Variants in DGKD observed in about 807,000 individuals in gnomAD.
The protein encoded by DGKD is diacylglycerol kinase delta, also known as DAG kinase delta.
In DGKD, 68 loss-of-function variants were observed where a neutral mutation model predicts 154.4. The ratio of observed to expected loss-of-function variants is 0.44; its 90% CI spans 0.36 to 0.54. DGKD has a LOEUF of 0.54. DGKD is among the 20% of genes least tolerant of loss of function. The probability of loss-of-function intolerance (pLI) is 0.00; values close to 1 mark genes in which losing one functional copy is unlikely to be tolerated. For missense variants in DGKD, 1,343 were observed against 1,593.6 expected (o/e 0.84, Z 2.68); for synonymous variants, 693 against 638.0 (o/e 1.09, Z -1.30).
chr2:233,396,037 A>G (rs1481537251), intron 3 of DGKD, among the ~76,000 whole-genome samples: 3 of 152,252 alleles, frequency 2.0e-5, no homozygotes, highest in Non-Finnish European at 4.4e-5. Context: ...AAATAATGCA[A>G]AATGGTCTGT....
intron 1 of DGKD, chr2:233,386,024 G>A (rs774629364): frequency 5.8e-5 from 27 of 469,128 alleles, no homozygotes; most frequent in South Asian, 4.0e-4. Flanking sequence ...AGTATGTGGT[G>A]CAGTGAGTTG....
intron 3 of DGKD, among the ~76,000 whole-genome samples, chr2:233,395,876 C>G (rs1013251704): frequency 6.6e-6 from 1 of 152,050 alleles, no homozygotes; most frequent in Non-Finnish European, 1.5e-5. Context: ...TGTAGCCAGC[C>G]CATATGGTGA....
intron 19 of DGKD, among the ~76,000 whole-genome samples, chr2:233,456,009 C>T (rs1031074144): frequency 3.9e-5 from 6 of 152,136 alleles, no homozygotes; most frequent in African/African-American, 1.4e-4. Context: ...CATACTTTAG[C>T]AGGGTAAAAT....
intron 11 of DGKD, among the ~76,000 whole-genome samples, chr2:233,446,004 G>C (rs909182184): frequency 6.6e-6 from 1 of 152,246 alleles, no homozygotes; most frequent in African/African-American, 2.4e-5. Flanking sequence ...AGAAGGCCAA[G>C]CCTGAGTGTG....
intron 1 of DGKD, among the ~76,000 whole-genome samples, chr2:233,358,765 A>G (rs540949543): frequency 6.6e-6 from 1 of 152,196 alleles, no homozygotes; most frequent in Admixed American, 6.5e-5. Context: ...ATTCCATTCT[A>G]CAGGCACACT....
chr2:233,375,758 CACGGAAGTAGAG>C, intron 1 of DGKD, among the ~76,000 whole-genome samples: 1 of 152,210 alleles, frequency 6.6e-6, no homozygotes, highest in Admixed American at 6.5e-5. Flanking sequence ...TCCAAGCAGA[CACGGAAGTAGAG>C]ACCGTTGAAT....
At chr2:233,460,626 C>T (rs933071928) in intron 24 of DGKD, among the ~76,000 whole-genome samples, 3 of 152,220 alleles carry the variant, frequency 2.0e-5, no homozygotes, top group Non-Finnish European at 4.4e-5. Context: ...CGCGGTGGCT[C>T]ACGCCTGTAA....
intron 3 of DGKD, among the ~76,000 whole-genome samples, chr2:233,396,936 CCAGA>C (rs1704092141): frequency 2.8e-5 from 3 of 107,266 alleles, no homozygotes; most frequent in African/African-American, 1.1e-4. Flanking sequence ...CTGGGGGGGG[CCAGA>C]GCGAGAGGAC....
Position 233,462,488 on chromosome 2 carries a change from C to A in DGKD, c.3093+29C>A, listed in dbSNP as rs781310598. 3 of 1,579,348 alleles carry A rather than the reference C, an allele frequency of 1.9e-6. No homozygotes were observed. The African/African-American group carries it at 4.0e-5, about 21-fold the overall frequency. On this transcript the variant is annotated intron_variant, in intron 25 of 29. Coordinates refer to ENST00000264057, the MANE Select transcript of DGKD (RefSeq NM_152879.3). ...GCTATTCTGGCCTTTTCAGTCCTGGCTTCTTCTCAGTGTCTGCCGCCCTCG... is the reference window on the plus strand; with the variant it reads ...GCTATTCTGGCCTTTTCAGTCCTGGATTCTTCTCAGTGTCTGCCGCCCTCG...
In DGKD at chr2:233,467,084, A is replaced by G; in HGVS notation, c.3307-2A>G. ...CTCAGTATTCCTCATTCTCCCCAACAGAGTGTGATGCTGGATCTTGCCAAG... is the reference window on the plus strand; with the variant it reads ...CTCAGTATTCCTCATTCTCCCCAACGGAGTGTGATGCTGGATCTTGCCAAG... On this transcript the variant is annotated splice_acceptor_variant, in intron 27 of 29. Coordinates refer to ENST00000264057, the MANE Select transcript of DGKD (RefSeq NM_152879.3). LOFTEE classifies it high-confidence loss of function. 1.9e-6 allele frequency: 3 copies of G among 1,611,054 alleles called. No individual in the cohort carries two copies. Among genetic ancestry groups the G allele is most frequent in the Non-Finnish European group, 2.5e-6 (3 of 1,177,220 alleles).
At chr2:233,422,201 G>T (rs2062141158) in intron 3 of DGKD, among the ~76,000 whole-genome samples, 1 of 152,274 alleles carries the variant, frequency 6.6e-6, no homozygotes, top group Admixed American at 6.5e-5. Context: ...CCCCACCCAG[G>T]AAGTGCACTA....
At chr2:233,405,145 A>G (rs2061651567) in intron 3 of DGKD, among the ~76,000 whole-genome samples, 1 of 152,224 alleles carries the variant, frequency 6.6e-6, no homozygotes, top group Non-Finnish European at 1.5e-5. Flanking sequence ...GTATGTTGTT[A>G]TGGTTTGATT....
intron 3 of DGKD, among the ~76,000 whole-genome samples, chr2:233,401,800 A>G: frequency 6.6e-6 from 1 of 151,674 alleles, no homozygotes; most frequent in African/African-American, 2.4e-5. Context: ...GGCGCCTGTA[A>G]TCCCAGCTAC....
chr2:233,395,175 A>G (rs186010364), intron 3 of DGKD, among the ~76,000 whole-genome samples: 59 of 150,962 alleles, frequency 3.9e-4, no homozygotes, highest in African/African-American at 1.2e-3. Flanking sequence ...TTGTTTGTTT[A>G]TTTATTTATT....
At chr2:233,421,204 C>A (rs916308251) in intron 3 of DGKD, among the ~76,000 whole-genome samples, 5 of 152,142 alleles carry the variant, frequency 3.3e-5, no homozygotes, top group African/African-American at 1.2e-4. Context: ...CCTGCCGCCA[C>A]CCCAGCTGTA....
At chr2:233,425,804 CTATT>C (rs1366516216) in intron 3 of DGKD, among the ~76,000 whole-genome samples, 1 of 152,220 alleles carries the variant, frequency 6.6e-6, no homozygotes, top group Non-Finnish European at 1.5e-5. Flanking sequence ...ATATTGATCA[CTATT>C]TGTTTGGTTT....
In DGKD at chr2:233,449,563, C is replaced by T. The variant is rs997442149; in HGVS notation, c.1888+187C>T. ...CCCTCCTTCCACCCCTCCTCTCACA[C>T]CCTCAGACCCCTTCATGCTGCCTCC... On this transcript the variant is annotated intron_variant, in intron 15 of 29. Coordinates refer to ENST00000264057, the MANE Select transcript of DGKD (RefSeq NM_152879.3). This position sits in a 1 kb window ranked among gnomAD's most constrained non-coding sequence, Gnocchi z 5.3. 6.6e-6 allele frequency among the ~76,000 whole-genome samples: 1 copy of T among 152,184 alleles called. No homozygotes were observed. The highest frequency in any genetic ancestry group is 2.4e-5 in the African/African-American group (1 of 41,456).
At chr2:233,436,486 C>T (rs765573994) in intron 7 of DGKD, 45 bp downstream of exon 7, 1 of 1,588,888 alleles carries the variant, frequency 6.3e-7, no homozygotes, top group Non-Finnish European at 8.6e-7. Flanking sequence ...GGGCTTGCTC[C>T]CTACCGTGCC....
At chr2:233,453,822 A>G (rs2063367826) in intron 18 of DGKD, among the ~76,000 whole-genome samples, 1 of 148,650 alleles carries the variant, frequency 6.7e-6, no homozygotes, top group Non-Finnish European at 1.5e-5. Context: ...CTGGGTGGGG[A>G]GAAGAAACTT....
Sources: gnomAD v4.1 joint callset for allele counts (sites outside exome capture counted in the v4.1 genomes callset) on GRCh38, gnomAD v4.1.1 for gene constraint, Gnocchi (gnomAD v3.1) non-coding constraint, MANE v1.5 for transcripts, NCBI Gene and HGNC (gene_info 2026-07-23, HGNC 2026-07-21) for gene names.